Variants in COG5 observed in about 807,000 individuals in gnomAD.
COG5 encodes the protein component of oligomeric golgi complex 5, also known as conserved oligomeric Golgi complex subunit 5.
In COG5, 86 loss-of-function variants were observed where a neutral mutation model predicts 110.4. The ratio of observed to expected loss-of-function variants is 0.78; its 90% CI spans 0.65 to 0.93. The LOEUF (loss-of-function observed/expected upper bound fraction) is 0.93. Among genes scored for constraint, COG5 ranks in the 40% least tolerant of loss-of-function variants. COG5 has a pLI of 0.00. For missense variants in COG5, 1,077 were observed against 987.0 expected, an observed-to-expected ratio of 1.09 and a Z score of -1.22; for synonymous variants, 360 against 334.6, an observed-to-expected ratio of 1.08 and a Z score of -0.83.
At chr7:107,510,538 C>T (rs1353899418) in intron 6 of COG5, among the ~76,000 whole-genome samples, 1 of 152,178 alleles carries the variant, frequency 6.6e-6, no homozygotes. Flanking sequence ...CAGCTCTGCA[C>T]CAAGCGGACC....
chr7:107,245,226 C>A (rs1413256371), intron 17 of COG5, among the ~76,000 whole-genome samples: 1 of 152,122 alleles, frequency 6.6e-6, no homozygotes, highest in Non-Finnish European at 1.5e-5. Flanking sequence ...AAATAATAAG[C>A]ACCATCCATG....
intron 11 of COG5, among the ~76,000 whole-genome samples, chr7:107,315,333 T>A (rs188973039): frequency 6.6e-6 from 1 of 152,278 alleles, no homozygotes; most frequent in East Asian, 1.9e-4. Context: ...TATATCTCAA[T>A]GTATCTCTTA....
At chr7:107,380,412 C>G (rs1815012646) in intron 7 of COG5, among the ~76,000 whole-genome samples, 2 of 151,888 alleles carry the variant, frequency 1.3e-5, no homozygotes, top group Admixed American at 1.3e-4. Context: ...AAATAGACCA[C>G]TAGCCAGACT....
intron 6 of COG5, among the ~76,000 whole-genome samples, chr7:107,509,115 T>A (rs1040773526): frequency 3.3e-5 from 5 of 151,672 alleles, no homozygotes. Flanking sequence ...AAGGAGAAAG[T>A]TCGAACCAAT....
chr7:107,292,348 A>G (rs982325719), intron 12 of COG5, among the ~76,000 whole-genome samples: 1 of 152,108 alleles, frequency 6.6e-6, no homozygotes, highest in African/African-American at 2.4e-5. Flanking sequence ...GCCTGCCTCT[A>G]CCCAAGTAAA....
chr7:107,394,065 C>T (rs1310219981), intron 7 of COG5, among the ~76,000 whole-genome samples: 2 of 151,916 alleles, frequency 1.3e-5, no homozygotes, highest in Non-Finnish European at 2.9e-5. Flanking sequence ...AGGTTCACGC[C>T]ATTCTCCTGC....
intron 10 of COG5, among the ~76,000 whole-genome samples, chr7:107,337,627 A>G (rs929849414): frequency 6.6e-6 from 1 of 152,010 alleles, no homozygotes; most frequent in South Asian, 2.1e-4. Context: ...AGAAGGATAG[A>G]TATCAAAGAG....
chr7:107,339,929 A>G (rs1258221882), intron 10 of COG5, among the ~76,000 whole-genome samples: 1 of 152,140 alleles, frequency 6.6e-6, no homozygotes, highest in Non-Finnish European at 1.5e-5. Context: ...TCTCTCATTA[A>G]TCATTTAACA....
At chr7:107,207,432 G>C (rs759451188) in intron 21 of COG5, among the ~76,000 whole-genome samples, 1 of 152,178 alleles carries the variant, frequency 6.6e-6, no homozygotes, top group Non-Finnish European at 1.5e-5. Context: ...TTCTCTGATG[G>C]TGTAGATAAA....
chr7:107,311,645 G>A (rs1321967854), intron 11 of COG5, among the ~76,000 whole-genome samples: 4 of 150,130 alleles, frequency 2.7e-5, no homozygotes, highest in Non-Finnish European at 4.4e-5. Context: ...CACCTGCCTC[G>A]GCCTCCCAAA....
chr7:107,328,822 TTTA>T (rs998572331), intron 10 of COG5, among the ~76,000 whole-genome samples: 3 of 152,056 alleles, frequency 2.0e-5, no homozygotes, highest in Non-Finnish European at 4.4e-5. Flanking sequence ...TTATTATGTT[TTTA>T]TTATTATTAT....
In COG5 at chr7:107,204,134, C is replaced by T. The variant is rs1415487491; in HGVS notation, c.2376-504G>A. On this transcript the variant is annotated intron_variant, in intron 21 of 21. Transcript: ENST00000297135. Reference sequence around the variant, plus strand: ...ACAACCAACAACTAGAATAAGTGCTCTTGGGCTGTAATGGCAAAATACATG... The same window carrying T: ...ACAACCAACAACTAGAATAAGTGCTTTTGGGCTGTAATGGCAAAATACATG... Among the ~76,000 whole-genome samples the T allele has an allele frequency of 1.1e-4, 16 of 152,150 alleles. No individual in the cohort carries two copies. In the East Asian group the frequency reaches 2.7e-3, roughly 26 times the overall value.
At chr7:107,531,514 G>A (rs955882617) in intron 5 of COG5, among the ~76,000 whole-genome samples, 1 of 151,614 alleles carries the variant, frequency 6.6e-6, no homozygotes, top group African/African-American at 2.4e-5. Context: ...TTGACTATTT[G>A]TTTACCTAGG....
chr7:107,393,412 T>C (rs769188335), intron 7 of COG5, among the ~76,000 whole-genome samples: 2 of 152,232 alleles, frequency 1.3e-5, no homozygotes, highest in Non-Finnish European at 2.9e-5. Context: ...TTTCTCCCCG[T>C]GATCAATAAC....
chr7:107,233,354 G>C (rs945965367), intron 18 of COG5, among the ~76,000 whole-genome samples: 1 of 152,090 alleles, frequency 6.6e-6, no homozygotes, highest in Non-Finnish European at 1.5e-5. Flanking sequence ...GGTCACAGTG[G>C]GGAATTAATT....
At chr7:107,544,807 G>C (rs1020405502) in intron 5 of COG5, among the ~76,000 whole-genome samples, 1 of 152,222 alleles carries the variant, frequency 6.6e-6, no homozygotes, top group Non-Finnish European at 1.5e-5. Flanking sequence ...AGGTTTATGA[G>C]CTGCCTAACA....
At chr7:107,439,807 C>T (rs1393657914) in intron 6 of COG5, among the ~76,000 whole-genome samples, 2 of 152,146 alleles carry the variant, frequency 1.3e-5, no homozygotes, top group East Asian at 1.9e-4. Context: ...GCCAAAATGA[C>T]ATTTCAAAAA....
chr7:107,441,182 G>T (rs902411608), intron 6 of COG5, among the ~76,000 whole-genome samples: 1 of 151,252 alleles, frequency 6.6e-6, no homozygotes, highest in Non-Finnish European at 1.5e-5. Flanking sequence ...TTGAACCCAG[G>T]GGGGCAAAGG....
At chr7:107,415,798 A>ATGTATG (rs1792705005) in intron 6 of COG5, among the ~76,000 whole-genome samples, 1 of 102,050 alleles carries the variant, frequency 9.8e-6, no homozygotes. Context: ...GTATGTATGT[A>ATGTATG]TGTGTGTATA....
Sources: gnomAD v4.1 joint callset for allele counts (sites outside exome capture counted in the v4.1 genomes callset) on GRCh38, gnomAD v4.1.1 for gene constraint, MANE v1.5 for transcripts, NCBI Gene and HGNC (gene_info 2026-07-23, HGNC 2026-07-21) for gene names.